ZNF713: variants seen among roughly 807,000 people sequenced by gnomAD.
The protein encoded by ZNF713 is zinc finger protein 713.
In ZNF713, 21 loss-of-function variants were observed where a neutral mutation model predicts 28.7. The observed-to-expected ratio is 0.73, with a 90% confidence interval of 0.52 to 1.05. The LOEUF (loss-of-function observed/expected upper bound fraction) is 1.05, where lower values mean the gene tolerates loss of function less well. Among genes scored for constraint, ZNF713 ranks in the 50% least tolerant of loss-of-function variants. ZNF713 has a pLI of 0.00. For synonymous variants in ZNF713, 167 were observed against 178.0 expected (o/e 0.94, Z 0.49); for missense variants, 458 against 532.4 (o/e 0.86, Z 1.37).
intron 1 of ZNF713, among the ~76,000 whole-genome samples, chr7:55,897,375 G>A (rs1011608021): frequency 6.6e-6 from 1 of 151,876 alleles, no homozygotes; most frequent in Non-Finnish European, 1.5e-5. Context: ...GACCTTCCAG[G>A]CTCAAGCAAC....
chr7:55,890,450 CAAAA>C (rs34844925), intron 1 of ZNF713, among the ~76,000 whole-genome samples: 4 of 116,442 alleles, frequency 3.4e-5, no homozygotes, highest in Admixed American at 8.9e-5. Context: ...ACTCTGTCTC[CAAAA>C]AAAAAAAAAA....
chr7:55,908,132 G>GTTTTTTTTTTTTTTTT (rs1374001911), intron 2 of ZNF713, among the ~76,000 whole-genome samples: 1 of 110,978 alleles, frequency 9.0e-6, no homozygotes, highest in African/African-American at 3.6e-5. Flanking sequence ...AACATCCGTT[G>GTTTTTTTTTTTTTTTT]TTGTTTTTTT....
At chr7:55,935,749 C>T (rs973588395) in intron 6 of ZNF713, among the ~76,000 whole-genome samples, 8 of 151,894 alleles carry the variant, frequency 5.3e-5, no homozygotes, top group Admixed American at 1.3e-4. Flanking sequence ...GTCAGGAGAT[C>T]GAGACCATCC....
At chr7:55,918,074 C>T (rs780132395) in intron 4 of ZNF713, 14 of 456,136 alleles carry the variant, frequency 3.1e-5, no homozygotes, top group South Asian at 6.2e-5. Context: ...CATTGGATCT[C>T]GGCAAGGCTG....
At chr7:55,893,999 T>G (rs1013664211) in intron 1 of ZNF713, among the ~76,000 whole-genome samples, 3 of 152,228 alleles carry the variant, frequency 2.0e-5, no homozygotes, top group African/African-American at 7.2e-5. Context: ...GAGAAACTTG[T>G]GCTTTTGAGG....
chr7:55,904,907 A>G (rs960101735), intron 1 of ZNF713, among the ~76,000 whole-genome samples: 2 of 152,034 alleles, frequency 1.3e-5, no homozygotes, highest in African/African-American at 4.8e-5. Context: ...TTGTACTTTT[A>G]GTAGGGACGG....
At chr7:55,913,200 T>TC (rs1785817546) in intron 4 of ZNF713, among the ~76,000 whole-genome samples, 1 of 133,976 alleles carries the variant, frequency 7.5e-6, no homozygotes. Flanking sequence ...GATTCCTTTT[T>TC]TTTTTTTTTT....
At chr7:55,924,726 T>C (rs1418506592) in intron 6 of ZNF713, 3 of 152,032 alleles carry the variant, frequency 2.0e-5, no homozygotes, top group African/African-American at 2.4e-5. Flanking sequence ...ATACAAAAAA[T>C]TAGCCAGGCA....
intron 4 of ZNF713, among the ~76,000 whole-genome samples, chr7:55,914,935 A>G (rs1584307965): frequency 6.6e-6 from 1 of 151,910 alleles, no homozygotes; most frequent in Admixed American, 6.6e-5. Context: ...GCTCACTACA[A>G]CCTCCGCCTC....
chr7:55,920,985 T>C (rs1785980961), intron 4 of ZNF713, among the ~76,000 whole-genome samples: 1 of 152,048 alleles, frequency 6.6e-6, no homozygotes, highest in Admixed American at 6.5e-5. Context: ...CTGACTTCTT[T>C]TGTTAAGGGA....
At chr7:55,903,807 G>A (rs971801496) in intron 1 of ZNF713, among the ~76,000 whole-genome samples, 4 of 152,056 alleles carry the variant, frequency 2.6e-5, no homozygotes, top group African/African-American at 7.2e-5. Flanking sequence ...CACATGGCAC[G>A]TTTCAGCACC....
chr7:55,930,009 T>C (rs570297320), intron 6 of ZNF713, among the ~76,000 whole-genome samples: 2 of 152,230 alleles, frequency 1.3e-5, no homozygotes, highest in South Asian at 4.1e-4. Flanking sequence ...TCCATGAATA[T>C]TATAAAATGC....
chr7:55,905,490 A>C (rs1404796519), intron 1 of ZNF713, among the ~76,000 whole-genome samples: 1 of 152,122 alleles, frequency 6.6e-6, no homozygotes, highest in South Asian at 2.1e-4. Flanking sequence ...TTCTGGAACC[A>C]GTGTAACAGA....
intron 6 of ZNF713, among the ~76,000 whole-genome samples, chr7:55,930,194 CAT>C (rs1487253718): frequency 1.3e-5 from 2 of 151,984 alleles, no homozygotes; most frequent in African/African-American, 4.8e-5. Flanking sequence ...ATACATTTAA[CAT>C]ATGAAAAAAT....
intron 1 of ZNF713, among the ~76,000 whole-genome samples, chr7:55,892,577 A>AC (rs2116161916): frequency 6.7e-6 from 1 of 150,190 alleles, no homozygotes; most frequent in Non-Finnish European, 1.5e-5. Context: ...AAAAAAAAAA[A>AC]ACAAAGCAGA....
intron 1 of ZNF713, among the ~76,000 whole-genome samples, chr7:55,889,122 A>G (rs1482397129): frequency 1.4e-5 from 2 of 144,526 alleles, no homozygotes; most frequent in African/African-American, 2.6e-5. Flanking sequence ...TTTTTTTGAG[A>G]TGGAGTTTCG....
At chr7:55,931,411 T>C (rs1046640270) in intron 6 of ZNF713, among the ~76,000 whole-genome samples, 2 of 152,244 alleles carry the variant, frequency 1.3e-5, no homozygotes, top group Non-Finnish European at 2.9e-5. Flanking sequence ...AATTAACTAC[T>C]GAATTAAAGT....
At chr7:55,915,905 T>C (rs759315414) in intron 4 of ZNF713, among the ~76,000 whole-genome samples, 3 of 152,208 alleles carry the variant, frequency 2.0e-5, no homozygotes, top group Non-Finnish European at 2.9e-5. Flanking sequence ...TGCTATATAC[T>C]AACTGAATTT....
intron 2 of ZNF713, among the ~76,000 whole-genome samples, chr7:55,910,456 G>T (rs1240871842): frequency 1.3e-5 from 2 of 151,778 alleles, no homozygotes; most frequent in Non-Finnish European, 2.9e-5. Context: ...ATTATTTTGA[G>T]GTATATTCCT....
Sources: gnomAD v4.1 joint callset for allele counts (sites outside exome capture counted in the v4.1 genomes callset) on GRCh38, gnomAD v4.1.1 for gene constraint, MANE v1.5 for transcripts, NCBI Gene and HGNC (gene_info 2026-07-23, HGNC 2026-07-21) for gene names.